Variants in CLIC5 observed in about 807,000 individuals in gnomAD.
CLIC5 encodes the protein CLIC family member 5.
CLIC5 carries 20 observed loss-of-function variants against 24.7 expected under a neutral mutation model. The ratio of observed to expected loss-of-function variants is 0.81; its 90% CI spans 0.57 to 1.18. CLIC5 has a LOEUF of 1.18. CLIC5 is among the 50% of genes most tolerant of loss of function. The probability of loss-of-function intolerance (pLI) is 0.00; values close to 1 mark genes in which losing one functional copy is unlikely to be tolerated. For synonymous variants in CLIC5, 159 were observed against 135.6 expected, an observed-to-expected ratio of 1.17 and a Z score of -1.20; for missense variants, 341 against 326.1, an observed-to-expected ratio of 1.05 and a Z score of -0.35.
chr6:45,953,575 C>T (rs115268441), intron 2 of CLIC5, among the ~76,000 whole-genome samples: 2,146 of 152,020 alleles, frequency 0.014, 16 homozygotes, highest in Non-Finnish European at 0.021. Context: ...AGACAGGTCA[C>T]GGTGAGAAGT....
At chr6:45,951,336 T>C (rs760423311) in intron 2 of CLIC5, among the ~76,000 whole-genome samples, 1 of 152,136 alleles carries the variant, frequency 6.6e-6, no homozygotes, top group East Asian at 1.9e-4. Flanking sequence ...GCAGTCCCAA[T>C]TGAATGAATG....
At chr6:46,056,108 C>T (rs1410077163) in intron 1 of CLIC5, among the ~76,000 whole-genome samples, 4 of 151,962 alleles carry the variant, frequency 2.6e-5, no homozygotes, top group Admixed American at 2.6e-4. Context: ...ATTTTTACCT[C>T]AATGTAAAAA....
chr6:45,885,861 G>T (rs1403382564), intron 6 of CLIC5, among the ~76,000 whole-genome samples: 1 of 152,152 alleles, frequency 6.6e-6, no homozygotes, highest in Non-Finnish European at 1.5e-5. Context: ...CTTCAAATGT[G>T]GAGATGGCCT....
At chr6:46,045,648 C>T (rs1326394436) in intron 1 of CLIC5, among the ~76,000 whole-genome samples, 4 of 152,084 alleles carry the variant, frequency 2.6e-5, no homozygotes, top group Admixed American at 6.6e-5. Flanking sequence ...AATAAGAAAG[C>T]AGTAAGCCAG....
chr6:46,074,662 T>C (rs1238017425), intron 1 of CLIC5, among the ~76,000 whole-genome samples: 11 of 152,192 alleles, frequency 7.2e-5, no homozygotes, highest in Admixed American at 6.5e-4. Context: ...GAGCTGAGTG[T>C]GGACAGGAGT....
At chr6:46,123,751 C>A in the CLIC5 span, among the ~76,000 whole-genome samples, 1 of 152,150 alleles carries the variant, frequency 6.6e-6, no homozygotes, top group South Asian at 2.1e-4. Context: ...GATACAAAAT[C>A]AATGTGCAAA....
chr6:46,045,137 T>A (rs1767919552), intron 1 of CLIC5, among the ~76,000 whole-genome samples: 1 of 152,186 alleles, frequency 6.6e-6, no homozygotes, highest in Non-Finnish European at 1.5e-5. Flanking sequence ...GTGTCAAGTT[T>A]CCACAAAGTT....
intron 1 of CLIC5, among the ~76,000 whole-genome samples, chr6:46,046,132 G>A (rs1461154334): frequency 6.6e-6 from 1 of 152,212 alleles, no homozygotes; most frequent in Admixed American, 6.5e-5. Context: ...CAGAAACAAA[G>A]TGGACTAGAT....
chr6:46,119,036 C>T, the CLIC5 span, among the ~76,000 whole-genome samples: 1 of 152,092 alleles, frequency 6.6e-6, no homozygotes, highest in Non-Finnish European at 1.5e-5. Flanking sequence ...GGCCACAAGT[C>T]GAGGAATATA....
intron 6 of CLIC5, among the ~76,000 whole-genome samples, chr6:45,887,680 T>C (rs1215951520): frequency 6.6e-6 from 1 of 152,268 alleles, no homozygotes; most frequent in African/African-American, 2.4e-5. Flanking sequence ...TGATCTATTG[T>C]CATCTCAGCT....
intron 1 of CLIC5, among the ~76,000 whole-genome samples, chr6:46,069,897 G>C (rs1164942078): frequency 1.3e-5 from 2 of 152,140 alleles, no homozygotes. Flanking sequence ...CTTTATCCCT[G>C]GGATGCAAGG....
At chr6:46,106,209 T>C in the CLIC5 span, among the ~76,000 whole-genome samples, 4 of 152,142 alleles carry the variant, frequency 2.6e-5, no homozygotes, top group Admixed American at 6.5e-5. Context: ...GTTCAAGTGA[T>C]TGAGGTTCCT....
rs533995355 is a variant in CLIC5, at chr6:45,903,104, C to T, written c.740G>A (p.Arg247His). 5.6e-6 allele frequency: 9 copies of T among 1,614,084 alleles called. No individual in the cohort carries two copies. Among genetic ancestry groups the T allele is most frequent in the South Asian group, 2.2e-5 (2 of 91,070 alleles). ...TGGCTGTGCTCAGGATCGGCTGAGG[C>T]GTTTGGCGACATCAGCGTAGGCCAA... ...IELAYADVAKRLSRS is the reference protein window; with the variant it reads ...IELAYADVAKHLSRS The change falls in exon 6 of 6, where the codon CGC becomes CAC. Residue 247 changes from arginine to histidine, a missense_variant. Arg to His is a conservative substitution (Grantham distance 29). Transcript: ENST00000339561.
chr6:45,930,427 C>T (rs1417133806), intron 4 of CLIC5, among the ~76,000 whole-genome samples: 3 of 152,124 alleles, frequency 2.0e-5, no homozygotes, highest in Non-Finnish European at 4.4e-5. Flanking sequence ...GTGGACATGC[C>T]CTTCCCTTGG....
Position 45,901,014 on chromosome 6 carries a change from G to A in CLIC5, c.*2074C>T, listed in dbSNP as rs1016795715. 5.9e-5 allele frequency: 9 copies of A among 152,294 alleles called. No homozygotes were observed. Among genetic ancestry groups the A allele is most frequent in the African/African-American group, 2.2e-4 (9 of 41,548 alleles). 9.4% of individuals were successfully genotyped at this position (152,294 alleles called of 1,614,324 possible). A position where few individuals can be genotyped will look rare whatever the true frequency, so the allele number is the denominator to read the frequency against. ...TGTGTTTCCAGAACAGCCCAACTGT[G>A]GGTCTCAGGGAAGTAAACTGCCTCT... is the stretch of plus-strand genomic sequence containing the variant. On this transcript the variant is annotated 3_prime_UTR_variant, in exon 6 of 6. Coordinates refer to ENST00000339561, the MANE Select transcript of CLIC5 (RefSeq NM_016929.5).
chr6:45,915,150 G>A (rs1369030415), intron 4 of CLIC5, among the ~76,000 whole-genome samples: 1 of 151,692 alleles, frequency 6.6e-6, no homozygotes, highest in Non-Finnish European at 1.5e-5. Context: ...ATATGGTCTC[G>A]ATCTCCTGAC....
chr6:46,126,092 C>G, the CLIC5 span, among the ~76,000 whole-genome samples: 5 of 152,064 alleles, frequency 3.3e-5, no homozygotes, highest in Non-Finnish European at 7.3e-5. Context: ...GTCCCAGGAA[C>G]CTCTTCCATT....
At chr6:46,082,191 A>G (rs893051136), upstream of CLIC5, among the ~76,000 whole-genome samples, 2 of 152,210 alleles carry the variant, frequency 1.3e-5, no homozygotes, top group South Asian at 2.1e-4. Context: ...AAAGAATAGT[A>G]TACAGCATGT....
At position 45,900,052 on chromosome 6, in the gene CLIC5, C is replaced by T. The variant is rs936294503; in HGVS notation, c.*3036G>A. 1 of 152,132 alleles carries T rather than the reference C, an allele frequency of 6.6e-6. No individual in the cohort carries two copies. Among genetic ancestry groups the T allele is most frequent in the African/African-American group, 2.4e-5 (1 of 41,440 alleles). The allele number at this position is 152,132 out of a possible 1,614,324, so 9.4% of individuals were successfully genotyped here. A position where few individuals can be genotyped will look rare whatever the true frequency, so the allele number is the denominator to read the frequency against. On this transcript the variant is annotated 3_prime_UTR_variant, in exon 6 of 6. Coordinates refer to ENST00000339561, the MANE Select transcript of CLIC5 (RefSeq NM_016929.5). ...GTGCTTTGGATCCATCATGATTTTA[C>T]TTATCCAGCTTACTTTTTACAGTTA...
Sources: allele counts gnomAD v4.1 joint callset (sites outside exome capture counted in the v4.1 genomes callset), GRCh38; gene constraint gnomAD v4.1.1; transcripts MANE v1.5; gene names NCBI Gene and HGNC (gene_info 2026-07-23, HGNC 2026-07-21).